GALNTL6: variants seen among roughly 807,000 people sequenced by gnomAD.
The protein encoded by GALNTL6 is polypeptide N-acetylgalactosaminyltransferase-like 6.
Under a neutral mutation model 73.7 loss-of-function variants are expected in GALNTL6, and 46 were observed. The observed-to-expected ratio is 0.62, with a 90% CI of 0.49 to 0.80. GALNTL6 has a LOEUF of 0.80. Among genes scored for constraint, GALNTL6 ranks in the 30% least tolerant of loss-of-function variants. The pLI is 0.00. For missense variants in GALNTL6, 604 were observed against 755.0 expected (o/e 0.80, Z 2.34); for synonymous variants, 259 against 263.7 (o/e 0.98, Z 0.17).
At chr4:172,678,671 G>C (rs1201686423) in intron 5 of GALNTL6, among the ~76,000 whole-genome samples, 1 of 152,106 alleles carries the variant, frequency 6.6e-6, no homozygotes, top group Non-Finnish European at 1.5e-5. Context: ...ATAAATAATT[G>C]TGCTAAACTT....
intron 4 of GALNTL6, among the ~76,000 whole-genome samples, chr4:172,333,499 TGTTGA>T (rs991180000): frequency 2.6e-5 from 4 of 152,214 alleles, no homozygotes; most frequent in Admixed American, 1.3e-4. Context: ...TTTTTCTTTT[TGTTGA>T]GTTGAGTTCC....
At chr4:172,741,621 A>G (rs1736809322) in intron 5 of GALNTL6, among the ~76,000 whole-genome samples, 1 of 152,044 alleles carries the variant, frequency 6.6e-6, no homozygotes, top group Admixed American at 6.6e-5. Flanking sequence ...TAGGCTTCTC[A>G]GCATCCATAT....
Position 173,041,274 on chromosome 4 carries a change from A to G in GALNTL6, c.*1174A>G, listed in dbSNP as rs2019683. On this transcript the variant is annotated 3_prime_UTR_variant, in exon 13 of 13. Coordinates refer to ENST00000506823, the MANE Select transcript of GALNTL6 (RefSeq NM_001034845.3). ...GCTCATAAAAGGAATTACCATTAAT[A>G]AAGTGTTTCTGACACCATTTTCTGT... 96,174 of 151,428 alleles carry G rather than the reference A, an allele frequency of 0.64. 32,462 individuals are homozygous for G. Among genetic ancestry groups the G allele is most frequent in the East Asian group, 0.94 (4,865 of 5,172 alleles). The allele number at this position is 151,428 out of a possible 1,614,324, so 9.4% of individuals were successfully genotyped here.
chr4:172,903,981 G>A (rs1297490455), intron 8 of GALNTL6, among the ~76,000 whole-genome samples: 1 of 152,042 alleles, frequency 6.6e-6, no homozygotes, highest in African/African-American at 2.4e-5. Flanking sequence ...TTAACCCTTA[G>A]ATCCCTCCCT....
intron 2 of GALNTL6, among the ~76,000 whole-genome samples, chr4:171,967,798 A>G (rs1739434385): frequency 6.6e-6 from 1 of 152,164 alleles, no homozygotes; most frequent in African/African-American, 2.4e-5. Context: ...GAAACCCTTG[A>G]GTACTCTGAA....
At chr4:172,977,625 G>C (rs955823899) in intron 10 of GALNTL6, among the ~76,000 whole-genome samples, 1 of 152,180 alleles carries the variant, frequency 6.6e-6, no homozygotes, top group East Asian at 1.9e-4. Context: ...GAGAGAGAGA[G>C]GATTCATGGC....
intron 2 of GALNTL6, among the ~76,000 whole-genome samples, chr4:171,826,679 G>A (rs1421139466): frequency 6.6e-6 from 1 of 152,066 alleles, no homozygotes; most frequent in Non-Finnish European, 1.5e-5. Context: ...TTACTTGTTA[G>A]AAATTAGCTT....
chr4:172,177,830 C>CACACATATATGTGTGTGTATATATACAA (rs1735091362), intron 2 of GALNTL6, among the ~76,000 whole-genome samples: 1 of 74,224 alleles, frequency 1.3e-5, no homozygotes, highest in Admixed American at 1.5e-4. Flanking sequence ...TATATATACA[C>CACACATATATGTGTGTGTATATATACAA]ACACATATAT....
intron 5 of GALNTL6, among the ~76,000 whole-genome samples, chr4:172,801,407 TAC>T (rs1277107842): frequency 6.6e-6 from 1 of 152,212 alleles, no homozygotes; most frequent in Admixed American, 6.5e-5. Context: ...TCTCTCCCCC[TAC>T]CTCTTACACA....
At chr4:172,981,322 T>A (rs1751053586) in intron 10 of GALNTL6, among the ~76,000 whole-genome samples, 1 of 152,222 alleles carries the variant, frequency 6.6e-6, no homozygotes, top group Admixed American at 6.5e-5. Flanking sequence ...CTACCAACAG[T>A]GCACGAGGGT....
intron 2 of GALNTL6, among the ~76,000 whole-genome samples, chr4:171,853,610 T>C (rs1369818951): frequency 2.7e-5 from 3 of 112,446 alleles, no homozygotes; most frequent in Non-Finnish European, 3.7e-5. Flanking sequence ...TTTTTTTTTT[T>C]TTTTTTTTTT....
chr4:172,119,064 A>C (rs565964047), intron 2 of GALNTL6, among the ~76,000 whole-genome samples: 1 of 152,298 alleles, frequency 6.6e-6, no homozygotes, highest in South Asian at 2.1e-4. Context: ...GTGTTATGAA[A>C]GCATACAGTG....
At chr4:172,522,122 G>A (rs182112555) in intron 5 of GALNTL6, among the ~76,000 whole-genome samples, 1 of 152,130 alleles carries the variant, frequency 6.6e-6, no homozygotes, top group Non-Finnish European at 1.5e-5. Flanking sequence ...AATATTTTAA[G>A]TCTTTGTGTC....
At chr4:172,981,739 T>C (rs1751071250) in intron 10 of GALNTL6, among the ~76,000 whole-genome samples, 1 of 151,932 alleles carries the variant, frequency 6.6e-6, no homozygotes, top group Non-Finnish European at 1.5e-5. Context: ...AAAAAAACAT[T>C]GAGATATTGA....
chr4:172,658,439 C>T (rs1469256857), intron 5 of GALNTL6, among the ~76,000 whole-genome samples: 1 of 148,450 alleles, frequency 6.7e-6, no homozygotes, highest in Non-Finnish European at 1.5e-5. Flanking sequence ...TGCACTCCGG[C>T]CTGGGCGACA....
At chr4:172,021,578 A>G (rs1169807481) in intron 2 of GALNTL6, among the ~76,000 whole-genome samples, 1 of 152,036 alleles carries the variant, frequency 6.6e-6, no homozygotes, top group East Asian at 1.9e-4. Flanking sequence ...TCTTCATGGA[A>G]ATAGAAAACA....
intron 2 of GALNTL6, among the ~76,000 whole-genome samples, chr4:171,962,794 G>A (rs1195957984): frequency 9.5e-5 from 9 of 94,394 alleles, no homozygotes; most frequent in Non-Finnish European, 1.5e-4. Flanking sequence ...GTGAGATGAT[G>A]TCTCGCTCTG....
intron 5 of GALNTL6, among the ~76,000 whole-genome samples, chr4:172,459,801 A>G (rs1732544054): frequency 6.6e-6 from 1 of 152,204 alleles, no homozygotes. Flanking sequence ...TGTAATTTAT[A>G]GATTCAGTGT....
intron 2 of GALNTL6, among the ~76,000 whole-genome samples, chr4:172,091,953 G>A (rs1431163749): frequency 1.3e-5 from 2 of 151,952 alleles, no homozygotes; most frequent in Non-Finnish European, 2.9e-5. Context: ...TTTGATATTG[G>A]GTTAGTGATT....
Sources: gnomAD v4.1 joint callset for allele counts (sites outside exome capture counted in the v4.1 genomes callset) on GRCh38, gnomAD v4.1.1 for gene constraint, MANE v1.5 for transcripts, NCBI Gene and HGNC (gene_info 2026-07-23, HGNC 2026-07-21) for gene names.